The following GRTP1 variants were observed in gnomAD, a reference collection of about 807,000 sequenced individuals.
GRTP1 encodes the protein growth hormone-regulated TBC protein 1.
In GRTP1, 56 loss-of-function variants were observed where a neutral mutation model predicts 38.1. The observed-to-expected ratio is 1.47, with a 90% CI of 1.19 to 1.84. GRTP1 has a LOEUF of 1.84. Among genes scored for constraint, GRTP1 ranks in the 40% most tolerant of loss-of-function variants. GRTP1 has a pLI of 0.00. For synonymous variants in GRTP1, 217 were observed against 189.5 expected (o/e 1.14, Z -1.19); for missense variants, 506 against 453.9 (o/e 1.11, Z -1.04).
intron 4 of GRTP1, 44 bp from the exon 5 acceptor site, chr13:113,345,003 GC>G: frequency 1.3e-6 from 2 of 1,568,680 alleles, no homozygotes; most frequent in South Asian, 1.2e-5. Context: ...TGAGTTTTAA[GC>G]CCCCATTTGA....
chr13:113,331,258 C>G (rs2042866843), intron 5 of GRTP1, among the ~76,000 whole-genome samples: 1 of 152,214 alleles, frequency 6.6e-6, no homozygotes. Flanking sequence ...CAGACATGGT[C>G]TTTGCTCCTC....
chr13:113,349,361 A>T lies in GRTP1; in HGVS notation c.465+1488T>A, dbSNP rs962682349. 1.3e-5 allele frequency among the ~76,000 whole-genome samples: 2 copies of T among 150,114 alleles called. No homozygotes were observed. Among genetic ancestry groups the T allele is most frequent in the Non-Finnish European group, 3.0e-5 (2 of 67,596 alleles). On this transcript the variant is annotated intron_variant, in intron 4 of 7. Transcript: ENST00000375431. This position sits in a 1 kb window ranked among gnomAD's most constrained non-coding sequence, Gnocchi z 5.0. ...GTGCCACCACACCCCGCTAATTTTT[A>T]AAAATATTTTGTAGAGATGGAGTCT...
chr13:113,350,978 G>C lies in GRTP1; in HGVS notation c.341-5C>G. On this transcript the variant is annotated splice_polypyrimidine_tract_variant and splice_region_variant and intron_variant, in intron 3 of 7. Coordinates refer to ENST00000375431, the MANE Select transcript of GRTP1 (RefSeq NM_024719.4). ...CGGGGAAGGTCCGGTTCAGGTCTGT[G>C]GGAAATTCAGAAGGAATCACCCACG... is the stretch of plus-strand genomic sequence containing the variant. 1.2e-6 allele frequency: 2 copies of C among 1,613,688 alleles called. No homozygotes were observed. Among genetic ancestry groups the C allele is most frequent in the Non-Finnish European group, 1.7e-6 (2 of 1,179,662 alleles).
chr13:113,334,743 C>T (rs1055874896), intron 5 of GRTP1, among the ~76,000 whole-genome samples: 3 of 152,212 alleles, frequency 2.0e-5, no homozygotes, highest in Admixed American at 6.5e-5. Flanking sequence ...CATCAGACAG[C>T]CGCAAACATG....
At chr13:113,345,102 T>A in intron 4 of GRTP1, 143 bp from the exon 5 acceptor site, 1 of 871,306 alleles carries the variant, frequency 1.1e-6, no homozygotes, top group Non-Finnish European at 1.7e-6. Flanking sequence ...GATCCTTTAG[T>A]AGAACTCTAG....
chr13:113,344,860 T>A lies in GRTP1; in HGVS notation c.562+3A>T. ...GGGCATACCGCAGGAATTTTCAACA[T>A]ACCTGGTAGTATTCTTCCAACAAGA... On this transcript the variant is annotated splice_donor_region_variant and intron_variant, in intron 5 of 7. Coordinates refer to ENST00000375431, the MANE Select transcript of GRTP1 (RefSeq NM_024719.4). The A allele has an allele frequency of 6.3e-7, 1 of 1,598,002 alleles. No homozygotes were observed. The highest frequency in any genetic ancestry group is 2.3e-5 in the East Asian group (1 of 44,200).
At chr13:113,328,992 G>A (rs2042816863) in intron 5 of GRTP1, among the ~76,000 whole-genome samples, 1 of 152,260 alleles carries the variant, frequency 6.6e-6, no homozygotes, top group African/African-American at 2.4e-5. Context: ...TCCCTGCCCA[G>A]AAGCCTGAAG....
chr13:113,361,666 GGGACGGAA>G (rs2043501928), intron 2 of GRTP1: 1 of 152,186 alleles, frequency 6.6e-6, no homozygotes, highest in African/African-American at 2.4e-5. Context: ...GCTCCTGAGG[GGGACGGAA>G]GGACAGTCCC....
chr13:113,334,783 T>C (rs2042931174), intron 5 of GRTP1, among the ~76,000 whole-genome samples: 1 of 152,154 alleles, frequency 6.6e-6, no homozygotes. Context: ...GGAGGACTGA[T>C]GGCCTTTTCC....
chr13:113,336,459 C>T (rs1486762713), intron 5 of GRTP1, among the ~76,000 whole-genome samples: 1 of 152,112 alleles, frequency 6.6e-6, no homozygotes, highest in African/African-American at 2.4e-5. Context: ...GAAAGGCCAA[C>T]TTGGACTCAG....
intron 5 of GRTP1, among the ~76,000 whole-genome samples, chr13:113,332,259 ACAC>A (rs1419896233): frequency 6.6e-6 from 1 of 150,678 alleles, no homozygotes; most frequent in African/African-American, 2.5e-5. Flanking sequence ...GTGCACACGC[ACAC>A]CACACACAGG....
intron 2 of GRTP1, among the ~76,000 whole-genome samples, chr13:113,356,157 G>A (rs1340934598): frequency 1.3e-5 from 2 of 152,168 alleles, no homozygotes; most frequent in African/African-American, 4.8e-5. Context: ...ATTATGTTAA[G>A]TCCAAAGCTG....
intron 5 of GRTP1, among the ~76,000 whole-genome samples, chr13:113,344,338 C>G (rs564121714): frequency 1.2e-4 from 18 of 152,234 alleles, no homozygotes; most frequent in Admixed American, 1.2e-3. Context: ...GTCCCAGGAG[C>G]AAGCAGTTGC....
At chr13:113,354,627 C>T (rs564035435) in intron 3 of GRTP1, among the ~76,000 whole-genome samples, 1 of 151,878 alleles carries the variant, frequency 6.6e-6, no homozygotes, top group South Asian at 2.1e-4. Context: ...CTCCCGGGTT[C>T]AAGCGATTCT....
intron 5 of GRTP1, among the ~76,000 whole-genome samples, chr13:113,334,232 G>A (rs966757371): frequency 9.7e-6 from 1 of 103,206 alleles, no homozygotes; most frequent in Non-Finnish European, 2.3e-5. Context: ...CCGGAGGACC[G>A]AGAGGGAGGG....
At chr13:113,358,216 T>G (rs2043431602) in intron 2 of GRTP1, among the ~76,000 whole-genome samples, 3 of 152,016 alleles carry the variant, frequency 2.0e-5, no homozygotes, top group Admixed American at 6.6e-5. Flanking sequence ...AAAATAAAAT[T>G]GGCATCATTT....
In GRTP1 at chr13:113,332,293, C is replaced by CAGGTA. The variant is rs2042883642; in HGVS notation, c.563-6203_563-6202insTACCT. ...ACAGGTACACACGTGCACACACACA[C>CAGGTA]CACACGTGCACACGCACGCCACACA... On this transcript the variant is annotated intron_variant, in intron 5 of 7. Coordinates refer to ENST00000375431, the MANE Select transcript of GRTP1 (RefSeq NM_024719.4). 5.4e-3 allele frequency among the ~76,000 whole-genome samples: 407 copies of CAGGTA among 75,968 alleles called. 4 individuals are homozygous for CAGGTA. The highest frequency in any genetic ancestry group is 0.023 in the South Asian group (50 of 2,200). 49.8% of individuals were successfully genotyped at this position (75,968 alleles called of 152,430 possible).
At chr13:113,352,262 T>A (rs7992300) in intron 3 of GRTP1, among the ~76,000 whole-genome samples, 1,538 of 19,242 alleles carry the variant, frequency 0.08, 13 homozygotes, top group Admixed American at 0.088. Flanking sequence ...ATTTATATAT[T>A]TTTATATTTT....
rs769198850 is a variant in GRTP1 at position 113,324,506 on chromosome 13, C to T, written c.993G>A (p.Arg331=). The change falls in exon 8 of 8, where the codon CGG becomes CGA. Residue 331 remains arginine (R), a synonymous_variant. Coordinates refer to ENST00000375431, the MANE Select transcript of GRTP1 (RefSeq NM_024719.4). ...GGCACGCTCACCCCTGTGCCAGCAG[C>T]CGGGCCCTGCAGCTCTCGCGGAGCT... ...VAKLRESCRA[R]LLAQG is the part of the protein sequence containing the mutation. 3 of 1,610,634 alleles carry T rather than the reference C, an allele frequency of 1.9e-6. No homozygotes were observed. The highest frequency in any genetic ancestry group is 2.2e-5 in the South Asian group (2 of 90,170).
Sources: allele counts gnomAD v4.1 joint callset (sites outside exome capture counted in the v4.1 genomes callset), GRCh38; gene constraint gnomAD v4.1.1; non-coding constraint Gnocchi (gnomAD v3.1); transcripts MANE v1.5; gene names NCBI Gene and HGNC (gene_info 2026-07-23, HGNC 2026-07-21).